The following SPICE1 variants were observed in gnomAD, a reference collection of about 807,000 sequenced individuals.
SPICE1 encodes spindle and centriole-associated protein 1.
Under a neutral mutation model 102.7 loss-of-function variants are expected in SPICE1, and 75 were observed. The ratio of observed to expected loss-of-function variants is 0.73; its 90% CI spans 0.61 to 0.88. The LOEUF is 0.88. Among genes scored for constraint, SPICE1 ranks in the 40% least tolerant of loss-of-function variants. The pLI, the probability that SPICE1 is intolerant of heterozygous loss-of-function variation, is 0.00. For missense variants in SPICE1, 979 were observed against 1,020.1 expected (o/e 0.96, Z 0.55); for synonymous variants, 308 against 350.3 (o/e 0.88, Z 1.35).
intron 7 of SPICE1, among the ~76,000 whole-genome samples, chr3:113,483,204 T>C (rs1049836958): frequency 6.6e-6 from 1 of 152,112 alleles, no homozygotes; most frequent in Non-Finnish European, 1.5e-5. Context: ...TGGCTCTCTG[T>C]TTGTCTGTTA....
chr3:113,485,495 G>C (rs995129689), intron 7 of SPICE1, among the ~76,000 whole-genome samples: 1 of 152,078 alleles, frequency 6.6e-6, no homozygotes, highest in Non-Finnish European at 1.5e-5. Context: ...GCCTACCGAA[G>C]CTCAGCAAAG....
intron 11 of SPICE1, among the ~76,000 whole-genome samples, chr3:113,461,830 A>G (rs987848140): frequency 9.9e-5 from 15 of 152,194 alleles, no homozygotes; most frequent in African/African-American, 3.4e-4. Context: ...AATATTATTA[A>G]CAGTACTGCT....
At chr3:113,469,498 A>G (rs1482217412) in intron 7 of SPICE1, among the ~76,000 whole-genome samples, 3 of 146,838 alleles carry the variant, frequency 2.0e-5, no homozygotes, top group African/African-American at 4.9e-5. Flanking sequence ...TCTATATTAC[A>G]TGTAATTTAA....
intron 1 of SPICE1, among the ~76,000 whole-genome samples, chr3:113,510,085 T>C (rs1475207776): frequency 2.0e-5 from 3 of 152,188 alleles, no homozygotes; most frequent in Non-Finnish European, 4.4e-5. Context: ...GCATACAAAA[T>C]TGTATTTAAA....
At chr3:113,463,487 A>G (rs1265713847) in intron 11 of SPICE1, among the ~76,000 whole-genome samples, 1 of 152,262 alleles carries the variant, frequency 6.6e-6, no homozygotes, top group Non-Finnish European at 1.5e-5. Context: ...AGCATTATTC[A>G]TAACAGACAA....
At chr3:113,511,333 C>T (rs914616818) in intron 1 of SPICE1, among the ~76,000 whole-genome samples, 5 of 152,124 alleles carry the variant, frequency 3.3e-5, no homozygotes, top group African/African-American at 9.7e-5. Context: ...CAGCACTATT[C>T]ACAATAGCAA....
At chr3:113,458,345 T>C (rs1935832732) in intron 12 of SPICE1, among the ~76,000 whole-genome samples, 1 of 152,168 alleles carries the variant, frequency 6.6e-6, no homozygotes, top group Non-Finnish European at 1.5e-5. Flanking sequence ...GCCAAGTGCC[T>C]GGGATTGCAG....
intron 11 of SPICE1, among the ~76,000 whole-genome samples, chr3:113,463,647 A>G (rs1187905561): frequency 6.6e-6 from 1 of 152,268 alleles, no homozygotes; most frequent in Admixed American, 6.5e-5. Context: ...ATACTAAGTG[A>G]AAGAAAAGCA....
chr3:113,512,234 C>T (rs1937234851), intron 1 of SPICE1, among the ~76,000 whole-genome samples: 2 of 152,092 alleles, frequency 1.3e-5, no homozygotes. Context: ...TACCTGTGTA[C>T]AGTAGGATAA....
intron 4 of SPICE1, 84 bp from the exon 5 acceptor site, chr3:113,494,226 G>A (rs1447801401): frequency 4.4e-6 from 4 of 903,790 alleles, no homozygotes; most frequent in Admixed American, 2.8e-5. Flanking sequence ...AAAAAGGCCT[G>A]GAGCATGAAA....
At chr3:113,497,951 A>T (rs1009569225) in intron 4 of SPICE1, among the ~76,000 whole-genome samples, 1 of 150,074 alleles carries the variant, frequency 6.7e-6, no homozygotes, top group Non-Finnish European at 1.5e-5. Flanking sequence ...ATCTCGGCTC[A>T]CTGCAACCTC....
chr3:113,503,931 T>TAAAAAAAAAAAAAAAAAAAA (rs34217669), intron 2 of SPICE1, among the ~76,000 whole-genome samples: 1 of 95,500 alleles, frequency 1.0e-5, no homozygotes. Context: ...AGTTTCTATC[T>TAAAAAAAAAAAAAAAAAAAA]AAAAAAAAAA....
chr3:113,502,705 A>T (rs1294179186), intron 3 of SPICE1, among the ~76,000 whole-genome samples: 1 of 151,756 alleles, frequency 6.6e-6, no homozygotes, highest in Non-Finnish European at 1.5e-5. Flanking sequence ...AACATAAAAA[A>T]AAAAAGTAGG....
chr3:113,495,351 C>T lies in SPICE1; in HGVS notation c.292-1209G>A, dbSNP rs146522512. Among the ~76,000 whole-genome samples, 163 of 152,266 alleles carry T rather than the reference C, an allele frequency of 1.1e-3. 2 individuals are homozygous for T. Among genetic ancestry groups the T allele is most frequent in the African/African-American group, 3.5e-3 (145 of 41,556 alleles). ...GAATCAAATACATACACAATGTGACCTCAGTTATTGTTTTAAGACACAGAA... is the reference window on the plus strand; with the variant it reads ...GAATCAAATACATACACAATGTGACTTCAGTTATTGTTTTAAGACACAGAA... On this transcript the variant is annotated intron_variant, in intron 4 of 17. Coordinates refer to ENST00000295872, the MANE Select transcript of SPICE1 (RefSeq NM_144718.4).
intron 2 of SPICE1, among the ~76,000 whole-genome samples, chr3:113,504,221 G>A (rs1937064136): frequency 6.6e-6 from 1 of 152,146 alleles, no homozygotes; most frequent in Admixed American, 6.6e-5. Flanking sequence ...TAGCAACCCT[G>A]TAACTTGGCC....
intron 4 of SPICE1, among the ~76,000 whole-genome samples, chr3:113,497,280 C>T (rs1936913142): frequency 6.6e-6 from 1 of 152,212 alleles, no homozygotes; most frequent in African/African-American, 2.4e-5. Flanking sequence ...TACCACTTTC[C>T]TCTCAACTGT....
chr3:113,512,985 C>T (rs1937249921), intron 1 of SPICE1, among the ~76,000 whole-genome samples: 1 of 152,204 alleles, frequency 6.6e-6, no homozygotes, highest in Non-Finnish European at 1.5e-5. Context: ...CATGGAGCTG[C>T]TTTCTTGATC....
intron 2 of SPICE1, 25 bp from the exon 3 acceptor site, chr3:113,503,252 TAAAA>T: frequency 2.3e-6 from 3 of 1,281,790 alleles, no homozygotes; most frequent in Non-Finnish European, 3.1e-6. Context: ...GGCCTTTCTT[TAAAA>T]AAAAAAAAAA....
In SPICE1 at chr3:113,493,256, G is replaced by C. The variant is rs1342198131; in HGVS notation, c.442C>G (p.Gln148Glu). 3 of 1,613,354 alleles carry C rather than the reference G, an allele frequency of 1.9e-6. No individual in the cohort carries two copies. In the African/African-American group the frequency reaches 4.0e-5, roughly 22 times the overall value. ...AAGATAGATTGGGTGATAGGGTCTTGATTTACCACAATGGGACCCTGAGAG... is the reference window on the plus strand; with the variant it reads ...AAGATAGATTGGGTGATAGGGTCTTCATTTACCACAATGGGACCCTGAGAG... Reference protein sequence around the residue: ...DSSQGPIVVNQDPITQSIFNE... With the variant: ...DSSQGPIVVNEDPITQSIFNE... Residue 148 changes from glutamine to glutamate, a missense_variant, in exon 6 of 18, where the codon CAA (glutamine) becomes GAA (glutamate). Transcript: ENST00000295872.
Sources: allele counts gnomAD v4.1 joint callset (sites outside exome capture counted in the v4.1 genomes callset), GRCh38; gene constraint gnomAD v4.1.1; transcripts MANE v1.5; gene names NCBI Gene and HGNC (gene_info 2026-07-23, HGNC 2026-07-21).